Variants in IL16 observed in about 807,000 individuals in gnomAD.
The protein encoded by IL16 is pro-interleukin-16.
A neutral mutation model predicts 110.1 loss-of-function variants in IL16; 67 were observed. The observed-to-expected ratio is 0.61, with a 90% CI of 0.50 to 0.75. The LOEUF (loss-of-function observed/expected upper bound fraction) is 0.75. Among genes scored for constraint, IL16 ranks in the 30% least tolerant of loss-of-function variants. IL16 has a pLI of 0.00. For missense variants in IL16, 1,545 were observed against 1,655.0 expected, an observed-to-expected ratio of 0.93 and a Z score of 1.15; for synonymous variants, 689 against 662.9, an observed-to-expected ratio of 1.04 and a Z score of -0.61.
chr15:81,191,700 C>T (rs771797540), intron 1 of IL16, among the ~76,000 whole-genome samples: 9 of 152,130 alleles, frequency 5.9e-5, no homozygotes, highest in Non-Finnish European at 1.3e-4. Context: ...AAAGATCCCA[C>T]TTAGGAGATG....
chr15:81,229,944 G>A (rs1246157189), intron 2 of IL16, among the ~76,000 whole-genome samples: 2 of 152,154 alleles, frequency 1.3e-5, no homozygotes, highest in Non-Finnish European at 2.9e-5. Context: ...AATTAAAGAA[G>A]AGGAAGTTAT....
intron 1 of IL16, among the ~76,000 whole-genome samples, chr15:81,209,485 G>A (rs1896155776): frequency 6.6e-6 from 1 of 152,096 alleles, no homozygotes; most frequent in African/African-American, 2.4e-5. Context: ...GATGAACTGG[G>A]ACAACAGAGA....
rs894429434 is a variant in IL16, at chr15:81,222,018, C to A, written c.-101-3281C>A. On this transcript the variant is annotated intron_variant, in intron 1 of 18. Transcript: ENST00000683961. ...ACAGCCTTGCACCTAGCCCCAAAGG[C>A]CCCCAAATGTTTTTTTGTCCTGGAA... is the stretch of plus-strand genomic sequence containing the variant. Among the ~76,000 whole-genome samples the A allele has an allele frequency of 2.0e-5, 3 of 152,150 alleles. No homozygotes were observed. The South Asian group carries it at 6.2e-4, about 32-fold the overall frequency.
At chr15:81,243,228 T>A (rs1484903314) in intron 2 of IL16, among the ~76,000 whole-genome samples, 2 of 126,518 alleles carry the variant, frequency 1.6e-5, no homozygotes, top group South Asian at 3.0e-4. Context: ...CAGGCTGGAG[T>A]GCAGTGGCAC....
At chr15:81,273,266 TG>T in intron 6 of IL16, 62 bp downstream of exon 6, 4 of 1,245,804 alleles carry the variant, frequency 3.2e-6, no homozygotes, top group South Asian at 2.7e-5. Context: ...CCAGAATTGC[TG>T]GGGCCATAGA....
At chr15:81,215,052 G>T (rs1488800009) in intron 1 of IL16, among the ~76,000 whole-genome samples, 2 of 152,086 alleles carry the variant, frequency 1.3e-5, no homozygotes, top group African/African-American at 4.8e-5. Flanking sequence ...TGGATTGATT[G>T]GGCTCCAACT....
At chr15:81,182,825 C>G in exon 1 of IL16, 1 of 1,286,056 alleles carries the variant, frequency 7.8e-7, no homozygotes, top group South Asian at 1.2e-5. Context: ...GAACTTTTCA[C>G]AGCTCTCTCT....
Position 81,310,463 on chromosome 15 carries a change from C to T in IL16, c.*1665C>T, listed in dbSNP as rs1446199046. On this transcript the variant is annotated 3_prime_UTR_variant, in exon 19 of 19. Transcript: ENST00000683961. ...GTTAACTTGTTTGGCCTATTCCATT[C>T]TGGATTTTGTCAAGCAGTAGACAAG... is the stretch of plus-strand genomic sequence containing the variant. 6.6e-6 allele frequency: 1 copy of T among 152,168 alleles called. No individual in the cohort carries two copies. The highest frequency in any genetic ancestry group is 1.5e-5 in the Non-Finnish European group (1 of 68,036). The allele number at this position is 152,168 out of a possible 1,614,324, so 9.4% of individuals were successfully genotyped here.
intron 1 of IL16, among the ~76,000 whole-genome samples, chr15:81,217,492 G>T (rs1282464275): frequency 6.6e-6 from 1 of 152,158 alleles, no homozygotes; most frequent in Non-Finnish European, 1.5e-5. Context: ...AGGACTAGGT[G>T]TACTTTAAAC....
rs1899240000 is a variant in IL16 at position 81,282,717 on chromosome 15, TG to T, written c.1161del (p.Ser388HisfsTer29). The T allele has an allele frequency of 1.2e-6, 2 of 1,614,064 alleles. No individual in the cohort carries two copies. Among genetic ancestry groups the T allele is most frequent in the Non-Finnish European group, 1.7e-6 (2 of 1,180,018 alleles). ...QCISGIFVHT[L>X]SPGSVAHLDG... ...ATCTCTGGCATTTTCGTCCACACGCTGTCACCAGGATCCGTGGCGCACCTGG... is the reference window on the plus strand; with the variant it reads ...ATCTCTGGCATTTTCGTCCACACGCTTCACCAGGATCCGTGGCGCACCTGG... On this transcript the variant is annotated frameshift_variant, in exon 9 of 19. Coordinates refer to ENST00000683961, the MANE Select transcript of IL16 (RefSeq NM_172217.5). LOFTEE classifies it high-confidence loss of function.
At chr15:81,307,186 C>T (rs1360627444) in intron 18 of IL16, among the ~76,000 whole-genome samples, 1 of 152,142 alleles carries the variant, frequency 6.6e-6, no homozygotes, top group Non-Finnish European at 1.5e-5. Flanking sequence ...TGGTGTTCCT[C>T]AAATTGGAGG....
At chr15:81,285,598 C>A in intron 9 of IL16, 100 bp from the exon 10 acceptor site, 1 of 1,287,980 alleles carries the variant, frequency 7.8e-7, no homozygotes, top group South Asian at 1.4e-5. Flanking sequence ...ATTTTTATAT[C>A]TCATCAAACA....
chr15:81,233,253 C>A (rs1157608865), intron 2 of IL16, among the ~76,000 whole-genome samples: 3 of 152,014 alleles, frequency 2.0e-5, no homozygotes, highest in African/African-American at 7.2e-5. Context: ...TCCCAGTTTT[C>A]CCCAAAAGTA....
At chr15:81,203,798 A>G (rs1023873389) in intron 1 of IL16, among the ~76,000 whole-genome samples, 82 of 152,222 alleles carry the variant, frequency 5.4e-4, no homozygotes, top group South Asian at 1.5e-3. Flanking sequence ...TTGACTTGGC[A>G]ATGCGGGCTC....
chr15:81,200,198 G>A (rs930073832), intron 1 of IL16, among the ~76,000 whole-genome samples: 19 of 151,320 alleles, frequency 1.3e-4, no homozygotes, highest in African/African-American at 3.9e-4. Flanking sequence ...TTATTATACC[G>A]TAGTAAAGGT....
Position 81,264,734 on chromosome 15 carries a change from A to G in IL16, c.422-925A>G, listed in dbSNP as rs543262625. On this transcript the variant is annotated intron_variant, in intron 3 of 18. Coordinates refer to ENST00000683961, the MANE Select transcript of IL16 (RefSeq NM_172217.5). ...GAGCACTTGAAATGTGACTTATTCA[A>G]ACAGAATGTGCAGAAAGTATCAAAG... 7.4e-3 allele frequency among the ~76,000 whole-genome samples: 764 copies of G among 103,816 alleles called. 4 individuals are homozygous for G. Among genetic ancestry groups the G allele is most frequent in the African/African-American group, 0.039 (717 of 18,184 alleles). 68.1% of individuals were successfully genotyped at this position (103,816 alleles called of 152,430 possible). A position where few individuals can be genotyped will look rare whatever the true frequency, so the allele number is the denominator to read the frequency against.
chr15:81,218,769 A>G (rs1335702262), intron 1 of IL16, among the ~76,000 whole-genome samples: 1 of 152,178 alleles, frequency 6.6e-6, no homozygotes, highest in Non-Finnish European at 1.5e-5. Flanking sequence ...CAGCTTTACA[A>G]TATATTGCAG....
At chr15:81,208,299 G>A (rs1566995471) in intron 1 of IL16, among the ~76,000 whole-genome samples, 1 of 152,172 alleles carries the variant, frequency 6.6e-6, no homozygotes, top group Non-Finnish European at 1.5e-5. Context: ...CACAGGTTGT[G>A]AATATTTTCT....
At chr15:81,261,822 C>T (rs1303899054) in intron 3 of IL16, among the ~76,000 whole-genome samples, 1 of 152,060 alleles carries the variant, frequency 6.6e-6, no homozygotes, top group Admixed American at 6.5e-5. Flanking sequence ...TCATTCTAGC[C>T]CTTTGGGAGG....
Sources: gnomAD v4.1 joint callset for allele counts (sites outside exome capture counted in the v4.1 genomes callset) on GRCh38, gnomAD v4.1.1 for gene constraint, MANE v1.5 for transcripts, NCBI Gene and HGNC (gene_info 2026-07-23, HGNC 2026-07-21) for gene names.